SPAG9: variants seen among roughly 807,000 people sequenced by gnomAD.
SPAG9 encodes sperm associated antigen 9, also known as C-Jun-amino-terminal kinase-interacting protein 4.
A neutral mutation model predicts 166.5 loss-of-function variants in SPAG9; 35 were observed. The ratio of observed to expected loss-of-function variants is 0.21; its 90% confidence interval spans 0.16 to 0.28. SPAG9 has a LOEUF of 0.28. Ranked by LOEUF, SPAG9 falls within the 10% of genes least tolerant of loss-of-function variation. The probability of loss-of-function intolerance (pLI) is 1.00; values close to 1 mark genes in which losing one functional copy is unlikely to be tolerated. For missense variants in SPAG9, 1,235 were observed against 1,603.3 expected (o/e 0.77, Z 3.92); for synonymous variants, 534 against 565.5 (o/e 0.94, Z 0.79).
At chr17:51,011,824 CTGTT>C (rs2045498009) in intron 9 of SPAG9, among the ~76,000 whole-genome samples, 1 of 152,182 alleles carries the variant, frequency 6.6e-6, no homozygotes, top group Non-Finnish European at 1.5e-5. Flanking sequence ...AGTTTGTAGT[CTGTT>C]TCTTATCTTC....
In SPAG9 at chr17:51,007,228, GA is replaced by G. The variant is rs539732935; in HGVS notation, c.1271+40del. On this transcript the variant is annotated intron_variant, in intron 10 of 29. Transcript: ENST00000262013. ...GAAGTGTCATTGACTTGGACAAGAA[GA>G]AAATTCTTTATCTTCTGTTAAAATT... 4.5e-5 allele frequency: 54 copies of G among 1,201,146 alleles called. No individual in the cohort carries two copies. In the South Asian group the frequency reaches 6.6e-4, roughly 15 times the overall value. 74.4% of individuals were successfully genotyped at this position (1,201,146 alleles called of 1,614,324 possible). A position where few individuals can be genotyped will look rare whatever the true frequency, so the allele number is the denominator to read the frequency against.
chr17:51,055,548 T>C (rs1471647077), intron 3 of SPAG9, among the ~76,000 whole-genome samples: 3 of 151,522 alleles, frequency 2.0e-5, no homozygotes, highest in Admixed American at 1.3e-4. Flanking sequence ...AACAACAACA[T>C]AGTTTCTACC....
chr17:51,027,688 C>T (rs1298660646), intron 6 of SPAG9, among the ~76,000 whole-genome samples: 1 of 152,124 alleles, frequency 6.6e-6, no homozygotes, highest in Non-Finnish European at 1.5e-5. Flanking sequence ...AAAACTATTG[C>T]ACTGCCAGGT....
chr17:51,028,009 T>A (rs1263443532), intron 6 of SPAG9, among the ~76,000 whole-genome samples: 1 of 150,886 alleles, frequency 6.6e-6, no homozygotes, highest in Non-Finnish European at 1.5e-5. Context: ...TGACCCTGTG[T>A]AGGCCAAGGC....
rs1455205669 is a variant in SPAG9, at chr17:50,987,247, G to C, written c.2814-10C>G. 9 of 1,599,412 alleles carry C rather than the reference G, an allele frequency of 5.6e-6. No individual in the cohort carries two copies. Among genetic ancestry groups the C allele is most frequent in the Non-Finnish European group, 6.8e-6 (8 of 1,174,870 alleles). ...TGCATCTGAGTCATTGCTGGAAAGG[G>C]AGGGCAAAAGGAAAGAAATCTGAGT... On this transcript the variant is annotated splice_polypyrimidine_tract_variant and intron_variant, in intron 21 of 29. Transcript: ENST00000262013.
At position 51,074,116 on chromosome 17, in the gene SPAG9, G is replaced by T. The variant is rs1316173065; in HGVS notation, c.424+5468C>A. On this transcript the variant is annotated intron_variant, in intron 2 of 29. Coordinates refer to ENST00000262013, the MANE Select transcript of SPAG9 (RefSeq NM_001130528.3). ...CCGGGCGTGGTGGCGGGCGCCTGTAGTCCCAGCTACTCGGGAGGCTGAGGC... is the reference window on the plus strand; with the variant it reads ...CCGGGCGTGGTGGCGGGCGCCTGTATTCCCAGCTACTCGGGAGGCTGAGGC... 3.3e-5 allele frequency among the ~76,000 whole-genome samples: 5 copies of T among 151,880 alleles called. No homozygotes were observed. In the East Asian group the frequency reaches 9.7e-4, roughly 29 times the overall value.
chr17:50,980,908 A>G (rs1057482773), intron 25 of SPAG9, among the ~76,000 whole-genome samples: 1 of 152,164 alleles, frequency 6.6e-6, no homozygotes, highest in Non-Finnish European at 1.5e-5. Context: ...AGGCTGAAGC[A>G]GGAGGCTTGC....
chr17:51,017,924 T>C (rs2045771788), intron 8 of SPAG9, among the ~76,000 whole-genome samples: 1 of 152,200 alleles, frequency 6.6e-6, no homozygotes, highest in Non-Finnish European at 1.5e-5. Context: ...GAGTACTGAC[T>C]GCACAATGCT....
chr17:51,056,303 T>C (rs2047361772), intron 3 of SPAG9, 109 bp downstream of exon 3: 2 of 696,784 alleles, frequency 2.9e-6, no homozygotes, highest in Non-Finnish European at 5.0e-6. Context: ...CCCCAAGAAT[T>C]ATTCTTTTTT....
intron 1 of SPAG9, among the ~76,000 whole-genome samples, chr17:51,104,629 G>A (rs1040976506): frequency 2.6e-5 from 4 of 151,120 alleles, no homozygotes; most frequent in African/African-American, 4.9e-5. Flanking sequence ...AGAGCAAAAC[G>A]CCATCTCAAA....
At chr17:51,050,373 T>C (rs144314844) in intron 3 of SPAG9, among the ~76,000 whole-genome samples, 110 of 152,340 alleles carry the variant, frequency 7.2e-4, no homozygotes, top group South Asian at 1.9e-3. Flanking sequence ...CTCCATTTAA[T>C]CCTCACCATA....
At chr17:51,076,538 C>T (rs972163834) in intron 2 of SPAG9, among the ~76,000 whole-genome samples, 3 of 152,040 alleles carry the variant, frequency 2.0e-5, no homozygotes, top group Non-Finnish European at 4.4e-5. Context: ...GAGTTCGAGA[C>T]AAGCCTGGCC....
intron 2 of SPAG9, among the ~76,000 whole-genome samples, chr17:51,058,837 C>T (rs945634416): frequency 6.6e-5 from 10 of 152,116 alleles, no homozygotes; most frequent in African/African-American, 2.2e-4. Context: ...TTTCATACAC[C>T]GTAACTTGGT....
intron 29 of SPAG9, 70 bp downstream of exon 29, chr17:50,970,637 T>C: frequency 7.4e-7 from 1 of 1,348,758 alleles, no homozygotes; most frequent in Non-Finnish European, 1.0e-6. Flanking sequence ...AGTGGTTTCT[T>C]ATTTACTTTG....
At chr17:51,068,739 C>T (rs1222483757) in intron 2 of SPAG9, among the ~76,000 whole-genome samples, 2 of 152,170 alleles carry the variant, frequency 1.3e-5, no homozygotes, top group African/African-American at 4.8e-5. Flanking sequence ...CGTATTTTCC[C>T]TGTTCTCTAA....
At chr17:51,064,330 A>G (rs1350024044) in intron 2 of SPAG9, among the ~76,000 whole-genome samples, 2 of 152,214 alleles carry the variant, frequency 1.3e-5, no homozygotes, top group Non-Finnish European at 2.9e-5. Flanking sequence ...ACAAGTCAAG[A>G]TGCCAAGAGG....
rs920058014 is a variant in SPAG9, at chr17:50,990,620, C to T, written c.2447G>A (p.Gly816Asp). The change falls in exon 20 of 30, where the codon GGT becomes GAT. Residue 816 changes from glycine (G) to aspartate (D), a missense_variant. Gly to Asp is a moderately conservative substitution (Grantham distance 94). Around this residue, in one of 6 missense-constraint regions of SPAG9, gnomAD observed 493 missense variants for 559.4 expected, o/e 0.88. Transcript: ENST00000262013. ...YPAGEDLSES[G>D]QVDKASLCGS... ...ACATAAAGATGCTTTGTCTACCTGA[C>T]CAGATTCTGAAAGATCTTCTCCTGC... 6.2e-7 allele frequency: 1 copy of T among 1,614,164 alleles called. No homozygotes were observed. Among genetic ancestry groups the T allele is most frequent in the Non-Finnish European group, 8.5e-7 (1 of 1,180,022 alleles).
At chr17:50,996,732 G>A (rs575170026) in intron 15 of SPAG9, 38 bp from the exon 16 acceptor site, 33 of 1,596,114 alleles carry the variant, frequency 2.1e-5, no homozygotes, top group African/African-American at 1.5e-4. Context: ...ACATGAATAC[G>A]TTTAATTACG....
rs1373273804 is a variant in SPAG9 at position 51,014,527 on chromosome 17, C to T, written c.1092-174G>A. The T allele has an allele frequency of 9.6e-6, 5 of 518,556 alleles. No individual in the cohort carries two copies. The African/African-American group carries it at 9.8e-5, about 10-fold the overall frequency. 32.1% of individuals were successfully genotyped at this position (518,556 alleles called of 1,614,324 possible). A position where few individuals can be genotyped will look rare whatever the true frequency, so the allele number is the denominator to read the frequency against. On this transcript the variant is annotated intron_variant, in intron 8 of 29. Coordinates refer to ENST00000262013, the MANE Select transcript of SPAG9 (RefSeq NM_001130528.3). ...GGCTTCCTAAGAAATTCTCACTAAG[C>T]TCCATGGAAATAGCTGGTGAAGAAA...
Sources: gnomAD v4.1 joint callset for allele counts (sites outside exome capture counted in the v4.1 genomes callset) on GRCh38, gnomAD v4.1.1 for gene constraint, gnomAD v4.1.1 regional missense constraint, MANE v1.5 for transcripts, NCBI Gene and HGNC (gene_info 2026-07-23, HGNC 2026-07-21) for gene names.